The following IL1RAPL2 variants were observed in gnomAD, a reference collection of about 807,000 sequenced individuals.
IL1RAPL2 encodes the protein interleukin 1 receptor accessory protein like 2.
Under a neutral mutation model 44.1 loss-of-function variants are expected in IL1RAPL2, and 3 were observed. The observed-to-expected ratio is 0.07, with a 90% CI of 0.03 to 0.18. The LOEUF (loss-of-function observed/expected upper bound fraction) is 0.18. Among genes scored for constraint, IL1RAPL2 ranks in the 10% least tolerant of loss-of-function variants. The probability of loss-of-function intolerance (pLI) is 1.00; values close to 1 mark genes in which losing one functional copy is unlikely to be tolerated. For missense variants in IL1RAPL2, 391 were observed against 496.4 expected (o/e 0.79, Z 2.02); for synonymous variants, 181 against 178.8 (o/e 1.01, Z -0.10).
intron 2 of IL1RAPL2, among the ~76,000 whole-genome samples, chrX:104,916,437 G>A (rs899668867): frequency 8.9e-6 from 1 of 111,879 alleles, no homozygotes; most frequent in African/African-American, 3.3e-5. Flanking sequence ...GAGATTTGCT[G>A]AAGTTGCTTA....
chrX:104,868,978 G>C (rs996539714), intron 2 of IL1RAPL2, among the ~76,000 whole-genome samples: 1 of 111,504 alleles, frequency 9.0e-6, no homozygotes, highest in Non-Finnish European at 1.9e-5. Context: ...ATATGTTAAT[G>C]TCAAATATTC....
At chrX:105,183,347 G>A (rs1556131995) in intron 2 of IL1RAPL2, among the ~76,000 whole-genome samples, 2 of 111,671 alleles carry the variant, frequency 1.8e-5, no homozygotes, top group Non-Finnish European at 3.8e-5. Context: ...AGCAGCAGCA[G>A]CAGTTGTATG....
intron 3 of IL1RAPL2, chrX:105,220,445 A>T: frequency 9.3e-7 from 1 of 1,077,567 alleles, no homozygotes; most frequent in Non-Finnish European, 1.2e-6. Context: ...TGGATGGAGC[A>T]GCCAATAGGT....
chrX:105,654,283 T>C (rs2037662553), intron 6 of IL1RAPL2, among the ~76,000 whole-genome samples: 1 of 110,808 alleles, frequency 9.0e-6, no homozygotes, highest in South Asian at 3.7e-4. Context: ...CCCTCTCCTC[T>C]ACCCAAATGG....
chrX:105,006,149 T>C (rs1269240975), intron 2 of IL1RAPL2, among the ~76,000 whole-genome samples: 1 of 111,011 alleles, frequency 9.0e-6, no homozygotes, highest in Non-Finnish European at 1.9e-5. Flanking sequence ...AATGCAATTA[T>C]CAGCTGCGAT....
At chrX:104,718,648 A>G (rs1035216915) in intron 2 of IL1RAPL2, among the ~76,000 whole-genome samples, 1 of 111,323 alleles carries the variant, frequency 9.0e-6, no homozygotes, top group Non-Finnish European at 1.9e-5. Flanking sequence ...AGGCCTCTCC[A>G]GCCATGTGGA....
Position 105,177,168 on chromosome X carries a change from T to A in IL1RAPL2, c.83-18307T>A, listed in dbSNP as rs1211793259. On this transcript the variant is annotated intron_variant, in intron 2 of 10. Coordinates refer to ENST00000372582, the MANE Select transcript of IL1RAPL2 (RefSeq NM_017416.2). ...TACAGCCACTCCCCAATTGCTCTCATTACTGCCTGAGCTCTGCCTCCTGTC... is the reference window on the plus strand; with the variant it reads ...TACAGCCACTCCCCAATTGCTCTCAATACTGCCTGAGCTCTGCCTCCTGTC... Among the ~76,000 whole-genome samples, 28 of 110,500 alleles carry A rather than the reference T, an allele frequency of 2.5e-4. 1 individual carries two copies. Among genetic ancestry groups the A allele is most frequent in the Non-Finnish European group, 3.8e-5 (2 of 52,857 alleles).
At chrX:105,029,937 C>T (rs376262693) in intron 2 of IL1RAPL2, among the ~76,000 whole-genome samples, 31 of 111,287 alleles carry the variant, frequency 2.8e-4, no homozygotes, top group Non-Finnish European at 3.8e-4. Flanking sequence ...TTTTAATGAT[C>T]GCCATTCCAA....
At chrX:104,714,627 G>A (rs746486705) in intron 2 of IL1RAPL2, among the ~76,000 whole-genome samples, 1 of 111,297 alleles carries the variant, frequency 9.0e-6, no homozygotes, top group South Asian at 3.8e-4. Context: ...TTTCTTCATA[G>A]CAGTGTGAGA....
chrX:104,900,371 G>A (rs1372262392), intron 2 of IL1RAPL2, among the ~76,000 whole-genome samples: 1 of 110,045 alleles, frequency 9.1e-6, no homozygotes, highest in Non-Finnish European at 1.9e-5. Flanking sequence ...TTAATCTCTG[G>A]AATTTCTTCT....
chrX:105,450,752 A>G (rs2036013682), intron 5 of IL1RAPL2, among the ~76,000 whole-genome samples: 1 of 112,189 alleles, frequency 8.9e-6, no homozygotes, highest in Non-Finnish European at 1.9e-5. Context: ...GTAAATCTCT[A>G]CAGAGAACAT....
intron 2 of IL1RAPL2, among the ~76,000 whole-genome samples, chrX:104,929,703 T>G (rs1924852944): frequency 8.9e-6 from 1 of 111,808 alleles, no homozygotes; most frequent in Non-Finnish European, 1.9e-5. Flanking sequence ...ACATCTTCAT[T>G]AATGCCCAGC....
intron 2 of IL1RAPL2, among the ~76,000 whole-genome samples, chrX:104,719,860 G>A (rs553950491): frequency 9.0e-6 from 1 of 111,472 alleles, no homozygotes; most frequent in Non-Finnish European, 1.9e-5. Context: ...TGTAGACACC[G>A]CATAATGTCC....
At chrX:105,764,455 C>CTCT (rs1420303613) in intron 10 of IL1RAPL2, among the ~76,000 whole-genome samples, 1 of 111,835 alleles carries the variant, frequency 8.9e-6, no homozygotes, top group African/African-American at 3.3e-5. Flanking sequence ...CGTACAGTTT[C>CTCT]TCTTATAAGT....
At chrX:104,791,591 G>A (rs1932826680) in intron 2 of IL1RAPL2, among the ~76,000 whole-genome samples, 1 of 112,032 alleles carries the variant, frequency 8.9e-6, no homozygotes, top group Admixed American at 9.5e-5. Context: ...GAGAAATGAT[G>A]ATCTTTGTCA....
At chrX:105,761,190 A>G (rs1408865662) in intron 10 of IL1RAPL2, among the ~76,000 whole-genome samples, 1 of 104,335 alleles carries the variant, frequency 9.6e-6, no homozygotes, top group Non-Finnish European at 1.9e-5. Flanking sequence ...AAAAAAAAAA[A>G]AAAAGAAAAA....
intron 2 of IL1RAPL2, among the ~76,000 whole-genome samples, chrX:105,148,638 T>C (rs992215847): frequency 1.8e-5 from 2 of 111,694 alleles, no homozygotes. Flanking sequence ...GGATTTAAAA[T>C]TGTTTTTCTG....
chrX:104,909,729 G>A (rs1924168561), intron 2 of IL1RAPL2, among the ~76,000 whole-genome samples: 1 of 112,210 alleles, frequency 8.9e-6, no homozygotes, highest in South Asian at 3.7e-4. Flanking sequence ...CTTACTGGGA[G>A]AACCACTGCT....
At chrX:104,943,420 T>C (rs1421467910) in intron 2 of IL1RAPL2, among the ~76,000 whole-genome samples, 3 of 112,238 alleles carry the variant, frequency 2.7e-5, no homozygotes, top group East Asian at 5.6e-4. Flanking sequence ...ACTAAACTTA[T>C]CTTGCTTCCA....
Sources: allele counts gnomAD v4.1 joint callset (sites outside exome capture counted in the v4.1 genomes callset), GRCh38; gene constraint gnomAD v4.1.1; transcripts MANE v1.5; gene names NCBI Gene and HGNC (gene_info 2026-07-23, HGNC 2026-07-21).